DDB2: variants seen among roughly 807,000 people sequenced by gnomAD.
The protein encoded by DDB2 is DNA damage-binding protein 2.
DDB2 carries 27 observed loss-of-function variants against 50.5 expected under a neutral mutation model. The observed-to-expected ratio is 0.53, with a 90% CI of 0.39 to 0.74. The LOEUF is 0.74. Ranked by LOEUF, DDB2 falls within the 30% of genes least tolerant of loss-of-function variation. The probability of loss-of-function intolerance (pLI) is 0.00; values close to 1 mark genes in which losing one functional copy is unlikely to be tolerated. For missense variants in DDB2, 424 were observed against 545.6 expected (o/e 0.78, Z 2.22); for synonymous variants, 176 against 205.5 (o/e 0.86, Z 1.23).
At chr11:47,225,298 A>T (rs555960296) in intron 3 of DDB2, among the ~76,000 whole-genome samples, 11 of 150,708 alleles carry the variant, frequency 7.3e-5, no homozygotes, top group East Asian at 3.9e-4. Context: ...TGCTTTTTTT[A>T]AAAAAAATTG....
chr11:47,233,209 G>A (rs1281426240), intron 4 of DDB2: 38 of 539,270 alleles, frequency 7.0e-5, no homozygotes, highest in Non-Finnish European at 1.2e-4. Context: ...TATTAGACTG[G>A]ACCTTGACCC....
At chr11:47,229,821 T>C (rs1162165045) in intron 3 of DDB2, 4 of 397,672 alleles carry the variant, frequency 1.0e-5, no homozygotes, top group South Asian at 3.8e-5. Context: ...GGCTCTTCTT[T>C]TTTTTTTTTT....
intron 3 of DDB2, among the ~76,000 whole-genome samples, chr11:47,223,209 G>C (rs115426117): frequency 6.6e-6 from 1 of 152,212 alleles, no homozygotes; most frequent in South Asian, 2.1e-4. Context: ...TCTAGGCTGG[G>C]CGCTGTGGCT....
intron 8 of DDB2, 44 bp downstream of exon 8, chr11:47,238,045 T>C: frequency 6.2e-7 from 1 of 1,613,810 alleles, no homozygotes; most frequent in Non-Finnish European, 8.5e-7. Flanking sequence ...AAGCAGGGAT[T>C]CAACCTACCT....
intron 3 of DDB2, among the ~76,000 whole-genome samples, chr11:47,217,719 G>A (rs4647713): frequency 0.08 from 12,125 of 151,952 alleles, 491 homozygotes; most frequent in Non-Finnish European, 0.092. Context: ...GTGAAACCCC[G>A]TCTCTACTAA....
intron 9 of DDB2, 107 bp from the exon 10 acceptor site, chr11:47,238,693 C>A: frequency 7.8e-7 from 1 of 1,289,736 alleles, no homozygotes; most frequent in South Asian, 1.2e-5. Context: ...CCACCGCGCC[C>A]GGCCTTCCTA....
chr11:47,234,401 C>T (rs532911822), intron 4 of DDB2, among the ~76,000 whole-genome samples, 172 bp from the exon 5 acceptor site: 23 of 152,258 alleles, frequency 1.5e-4, no homozygotes, highest in Admixed American at 9.2e-4. Context: ...TCTGTCTGGA[C>T]GGTAGAGCAG....
In DDB2 at chr11:47,237,953, G is replaced by C. The variant is rs952996539; in HGVS notation, c.1140G>C (p.Gly380=). The C allele has an allele frequency of 1.9e-6, 3 of 1,614,062 alleles. No individual in the cohort carries two copies. Among genetic ancestry groups the C allele is most frequent in the Non-Finnish European group, 2.5e-6 (3 of 1,180,046 alleles). ...RTIDVFDGNS[G]KMMCQLYDPE... is the part of the protein sequence containing the mutation. ...TCGACGTGTTCGATGGAAACTCAGG[G>C]AAGATGATGTGTCAGCTCTATGACC... The change falls in exon 8 of 10, where the codon GGG becomes GGC. Residue 380 remains glycine, a synonymous_variant. Coordinates refer to ENST00000256996, the MANE Select transcript of DDB2 (RefSeq NM_000107.3).
Position 47,216,369 on chromosome 11 carries a change from G to T in DDB2, c.161G>T (p.Trp54Leu). ...PSRRCDSDCL[W>L]VGLAGPQILP... Reference sequence around the variant, plus strand: ...AGAAGATGTGACTCAGACTGCCTCTGGGTGGGGCTGGCTGGCCCACAGATC... The same window carrying T: ...AGAAGATGTGACTCAGACTGCCTCTTGGTGGGGCTGGCTGGCCCACAGATC... The change falls in exon 2 of 10, where the codon TGG becomes TTG. Residue 54 changes from tryptophan to leucine, a missense_variant. Transcript: ENST00000256996. The T allele has an allele frequency of 6.2e-7, 1 of 1,614,162 alleles. No homozygotes were observed. Among genetic ancestry groups the T allele is most frequent in the Non-Finnish European group, 8.5e-7 (1 of 1,180,036 alleles).
chr11:47,235,636 T>C, intron 7 of DDB2: 2 of 596,346 alleles, frequency 3.4e-6, no homozygotes, highest in Non-Finnish European at 6.0e-6. Flanking sequence ...GATATTTTTC[T>C]GAGTTTTTTC....
intron 2 of DDB2, among the ~76,000 whole-genome samples, 187 bp from the exon 3 acceptor site, chr11:47,216,671 G>A (rs1251099559): frequency 6.6e-6 from 1 of 152,140 alleles, no homozygotes; most frequent in Non-Finnish European, 1.5e-5. Context: ...AATGCACTCT[G>A]CCCCTTTTGC....
At chr11:47,223,780 A>AAAAT (rs994462094) in intron 3 of DDB2, among the ~76,000 whole-genome samples, 2 of 150,958 alleles carry the variant, frequency 1.3e-5, no homozygotes, top group Non-Finnish European at 3.0e-5. Context: ...GACTCCGTCT[A>AAAAT]AAATAAATAA....
At chr11:47,224,846 G>A (rs7395581) in intron 3 of DDB2, among the ~76,000 whole-genome samples, 93,356 of 151,588 alleles carry the variant, frequency 0.62, 29,716 homozygotes, top group Middle Eastern at 0.74. Flanking sequence ...GTAGCCCAGC[G>A]TATTTTTCAT....
intron 3 of DDB2, among the ~76,000 whole-genome samples, chr11:47,221,069 A>G (rs1215535589): frequency 6.6e-6 from 1 of 152,002 alleles, no homozygotes; most frequent in Non-Finnish European, 1.5e-5. Context: ...AATCTGAGGC[A>G]GGAGAATCAC....
chr11:47,233,288 T>C, intron 4 of DDB2: 1 of 405,264 alleles, frequency 2.5e-6, no homozygotes, highest in Non-Finnish European at 4.7e-6. Context: ...GCTCAGAACT[T>C]GAGACTGAAT....
chr11:47,215,401 A>G, intron 1 of DDB2, 138 bp downstream of exon 1: 1 of 1,280,592 alleles, frequency 7.8e-7, no homozygotes, highest in Non-Finnish European at 1.1e-6. Context: ...TTCTACCTGC[A>G]GGTCCTTTGA....
Position 47,238,157 on chromosome 11 carries a change from T to C in DDB2, c.1208T>C (p.Met403Thr), listed in dbSNP as rs891434158. The change falls in exon 9 of 10, where the codon ATG becomes ACG. Residue 403 changes from methionine (M) to threonine (T), a missense_variant. Coordinates refer to ENST00000256996, the MANE Select transcript of DDB2 (RefSeq NM_000107.3). ...GISSLNEFNP[M>T]GDTLASAMGY... Reference sequence around the variant, plus strand: ...CTGCAGCTTAATGAATTCAATCCCATGGGGGACACGCTGGCCTCTGCAATG... The same window carrying C: ...CTGCAGCTTAATGAATTCAATCCCACGGGGGACACGCTGGCCTCTGCAATG... 4 of 1,612,276 alleles carry C rather than the reference T, an allele frequency of 2.5e-6. No individual in the cohort carries two copies. The highest frequency in any genetic ancestry group is 3.4e-5 in the Admixed American group (2 of 59,698).
chr11:47,219,829 C>G (rs1953456667), intron 3 of DDB2, among the ~76,000 whole-genome samples: 1 of 152,114 alleles, frequency 6.6e-6, no homozygotes, highest in Admixed American at 6.6e-5. Context: ...ACTCCGCCGC[C>G]CAGGCTGGAG....
chr11:47,214,637 G>A, upstream of DDB2: 1 of 172,096 alleles, frequency 5.8e-6, no homozygotes, highest in Non-Finnish European at 1.3e-5. Flanking sequence ...CGGGCGTGGT[G>A]GCGTACGCTT....
Sources: allele counts gnomAD v4.1 joint callset (sites outside exome capture counted in the v4.1 genomes callset), GRCh38; gene constraint gnomAD v4.1.1; transcripts MANE v1.5; gene names NCBI Gene and HGNC (gene_info 2026-07-23, HGNC 2026-07-21).